STAT1: variants seen among roughly 807,000 people sequenced by gnomAD.
The protein encoded by STAT1 is signal transducer and activator of transcription 1.
A neutral mutation model predicts 111.7 loss-of-function variants in STAT1; 24 were observed. The observed-to-expected ratio is 0.21, with a 90% confidence interval of 0.16 to 0.30. The LOEUF (loss-of-function observed/expected upper bound fraction) is 0.30, where lower values mean the gene tolerates loss of function less well. Among genes scored for constraint, STAT1 ranks in the 10% least tolerant of loss-of-function variants. The pLI, the probability that STAT1 is intolerant of heterozygous loss-of-function variation, is 1.00. For missense variants in STAT1, 351 were observed against 911.9 expected (o/e 0.38, Z 7.92); for synonymous variants, 332 against 326.5 (o/e 1.02, Z -0.18).
At chr2:191,013,351 C>T (rs182430484) in intron 2 of STAT1, among the ~76,000 whole-genome samples, 174 bp downstream of exon 2, 3 of 151,694 alleles carry the variant, frequency 2.0e-5, no homozygotes, top group African/African-American at 7.2e-5. Context: ...CTCTTCAGTA[C>T]CGGCCAGAAA....
At position 190,977,162 on chromosome 2, in the gene STAT1, A is replaced by G. The variant is rs1691970026; in HGVS notation, c.1874-137T>C. The G allele has an allele frequency of 2.6e-6, 2 of 772,960 alleles. No individual in the cohort carries two copies. The highest frequency in any genetic ancestry group is 4.4e-6 in the Non-Finnish European group (2 of 452,430). 47.9% of individuals were successfully genotyped at this position (772,960 alleles called of 1,614,324 possible). The stretch of plus-strand genomic sequence containing the variant: ...TCACAATCTAAGCATTATAACATAT[A>G]CAGTAGACTGCTTTATTTCTAAATA... On this transcript the variant is annotated intron_variant, in intron 21 of 24. Transcript: ENST00000361099. This position sits in a 1 kb window ranked among gnomAD's most constrained non-coding sequence, Gnocchi z 4.7.
rs1004057298 is a variant in STAT1 at position 190,976,757 on chromosome 2, C to T, written c.2059+83G>A. 9.0e-5 allele frequency: 113 copies of T among 1,252,842 alleles called. No individual in the cohort carries two copies. The highest frequency in any genetic ancestry group is 1.3e-4 in the Non-Finnish European group (110 of 854,150). 77.6% of individuals were successfully genotyped at this position (1,252,842 alleles called of 1,614,324 possible). Reference sequence around the variant, plus strand: ...CTCTTACCAATTCGAAAGCAAAACACTGCATGGGTGGAGTTTCAGAATAAT... The same window carrying T: ...CTCTTACCAATTCGAAAGCAAAACATTGCATGGGTGGAGTTTCAGAATAAT... On this transcript the variant is annotated intron_variant, in intron 22 of 24. Coordinates refer to ENST00000361099, the MANE Select transcript of STAT1 (RefSeq NM_007315.4). The surrounding 1 kb of genome is among the most constrained non-coding windows in gnomAD (Gnocchi z 6.0).
chr2:191,001,217 G>T, intron 5 of STAT1, 54 bp from the exon 6 acceptor site: 2 of 1,408,426 alleles, frequency 1.4e-6, no homozygotes, highest in Non-Finnish European at 2.0e-6. Flanking sequence ...GTGTGTACTT[G>T]CTGGTTACAC....
At chr2:191,001,471 C>T (rs191115031) in intron 5 of STAT1, among the ~76,000 whole-genome samples, 2 of 152,300 alleles carry the variant, frequency 1.3e-5, no homozygotes, top group Admixed American at 1.3e-4. Flanking sequence ...AGATACTATA[C>T]ACAAGATTAC....
Position 190,979,071 on chromosome 2 carries a change from A to C in STAT1, c.1728-70T>G. The C allele has an allele frequency of 6.3e-7, 1 of 1,596,790 alleles. No individual in the cohort carries two copies. Among genetic ancestry groups the C allele is most frequent in the Non-Finnish European group, 8.6e-7 (1 of 1,167,788 alleles). On this transcript the variant is annotated intron_variant, in intron 20 of 24. Transcript: ENST00000361099. This position sits in a 1 kb window ranked among gnomAD's most constrained non-coding sequence, Gnocchi z 5.8. ...GATTTCCATTTTCATGCTAACTTAC[A>C]AACCAAGAAAATGGCTGGAATGTGA...
chr2:191,001,898 C>T (rs1694297950), intron 5 of STAT1, among the ~76,000 whole-genome samples: 1 of 152,198 alleles, frequency 6.6e-6, no homozygotes, highest in South Asian at 2.1e-4. Context: ...TCCCTGTTCT[C>T]ATAGAGATTA....
chr2:190,994,982 A>G, intron 10 of STAT1, 79 bp downstream of exon 10: 3 of 1,185,778 alleles, frequency 2.5e-6, no homozygotes, highest in Non-Finnish European at 3.7e-6. Context: ...AAACCCTTGT[A>G]AATCATCTGA....
At chr2:191,009,844 ACTT>A (rs768828639) in intron 3 of STAT1, 29 bp downstream of exon 3, 22 of 1,612,462 alleles carry the variant, frequency 1.4e-5, no homozygotes, top group Middle Eastern at 1.6e-4. Flanking sequence ...TAAGGTGTAA[ACTT>A]CTTCTTCTGT....
Position 190,997,747 on chromosome 2 carries a change from A to T in STAT1, c.785+109T>A. The T allele has an allele frequency of 2.0e-6, 3 of 1,503,594 alleles. No individual in the cohort carries two copies. The highest frequency in any genetic ancestry group is 2.7e-6 in the Non-Finnish European group (3 of 1,092,046). 93.1% of individuals were successfully genotyped at this position (1,503,594 alleles called of 1,614,324 possible). On this transcript the variant is annotated intron_variant, in intron 9 of 24. Transcript: ENST00000361099. The surrounding 1 kb of genome is among the most constrained non-coding windows in gnomAD (Gnocchi z 7.3). ...CAGAAGCTGGACTATGTCAAACTCT[A>T]TACTAATGTTTTGACAGGGTCCATT...
In STAT1 at chr2:191,009,111, G is replaced by C. The variant is rs1312585498; in HGVS notation, c.129-4C>G. ...AACATCATTGGCAGCGTGCTCCCTAGGAGATTTAACATTTACACATTTCAT... is the reference window on the plus strand; with the variant it reads ...AACATCATTGGCAGCGTGCTCCCTACGAGATTTAACATTTACACATTTCAT... On this transcript the variant is annotated splice_region_variant and splice_polypyrimidine_tract_variant and intron_variant, in intron 3 of 24. Coordinates refer to ENST00000361099, the MANE Select transcript of STAT1 (RefSeq NM_007315.4). 6.2e-7 allele frequency: 1 copy of C among 1,613,850 alleles called. No individual in the cohort carries two copies. The highest frequency in any genetic ancestry group is 1.1e-5 in the South Asian group (1 of 91,082).
At chr2:190,994,205 CT>C (rs1042935224) in intron 10 of STAT1, among the ~76,000 whole-genome samples, 1 of 152,188 alleles carries the variant, frequency 6.6e-6, no homozygotes, top group African/African-American at 2.4e-5. Flanking sequence ...GGCATGGCCC[CT>C]ATAGGAATCA....
Position 190,997,066 on chromosome 2 carries a change from T to A in STAT1, c.785+790A>T, listed in dbSNP as rs1693912185. Among the ~76,000 whole-genome samples the A allele has an allele frequency of 6.6e-6, 1 of 152,138 alleles. No individual in the cohort carries two copies. Among genetic ancestry groups the A allele is most frequent in the South Asian group, 2.1e-4 (1 of 4,824 alleles). On this transcript the variant is annotated intron_variant, in intron 9 of 24. Transcript: ENST00000361099. The surrounding 1 kb of genome is among the most constrained non-coding windows in gnomAD (Gnocchi z 7.3). ...ACCTGCACCATCAGGCTCCAGCATC[T>A]CCCACCGGGTCCACTTTCCTTCCCA...
At position 190,970,499 on chromosome 2, in the gene STAT1, T is replaced by G; in HGVS notation, c.*204A>C. Reference sequence around the variant, plus strand: ...TCAGAGAATGCCTTTCAATTTTACCTTCAGTAAGATGCATGATGCCCTTCA... The same window carrying G: ...TCAGAGAATGCCTTTCAATTTTACCGTCAGTAAGATGCATGATGCCCTTCA... On this transcript the variant is annotated 3_prime_UTR_variant, in exon 25 of 25. Transcript: ENST00000361099. This position sits in a 1 kb window ranked among gnomAD's most constrained non-coding sequence, Gnocchi z 5.4. 1 of 644,972 alleles carries G rather than the reference T, an allele frequency of 1.6e-6. No homozygotes were observed. Among genetic ancestry groups the G allele is most frequent in the South Asian group, 1.7e-5 (1 of 57,484 alleles). The allele number at this position is 644,972 out of a possible 1,614,324, so 40.0% of individuals were successfully genotyped here. A position where few individuals can be genotyped will look rare whatever the true frequency, so the allele number is the denominator to read the frequency against.
In STAT1 at chr2:190,991,167, G is replaced by A. The variant is rs1693301756; in HGVS notation, c.1037+61C>T. The A allele has an allele frequency of 2.6e-6, 4 of 1,537,390 alleles. No homozygotes were observed. The Admixed American group carries it at 6.7e-5, about 26-fold the overall frequency. ...CCCTATATAACAGTTTTTATAAAAG[G>A]AAACTAGGGGTACAAACTACGTGAC... On this transcript the variant is annotated intron_variant, in intron 11 of 24. Transcript: ENST00000361099.
chr2:190,987,819 T>C lies in STAT1; in HGVS notation c.1098-751A>G, dbSNP rs1160348912. 1.3e-5 allele frequency among the ~76,000 whole-genome samples: 2 copies of C among 152,198 alleles called. No individual in the cohort carries two copies. Among genetic ancestry groups the C allele is most frequent in the African/African-American group, 4.8e-5 (2 of 41,452 alleles). ...AATCTCAACCAGAAGTTCAATGCTT[T>C]TGTGAATGACAATCACCATTAGCTA... On this transcript the variant is annotated intron_variant, in intron 12 of 24. Transcript: ENST00000361099. The surrounding 1 kb of genome is among the most constrained non-coding windows in gnomAD (Gnocchi z 4.0).
At chr2:191,010,030 T>C in intron 2 of STAT1, 26 bp from the exon 3 acceptor site, 2 of 1,612,918 alleles carry the variant, frequency 1.2e-6, no homozygotes, top group South Asian at 1.1e-5. Flanking sequence ...ATATACATTC[T>C]TTCTATGTAT....
intron 2 of STAT1, among the ~76,000 whole-genome samples, chr2:191,011,364 C>T (rs747090308): frequency 2.0e-5 from 3 of 152,166 alleles, no homozygotes; most frequent in African/African-American, 4.8e-5. Context: ...GGAGCTGCAA[C>T]GCCTCTTATT....
At position 190,997,741 on chromosome 2, in the gene STAT1, A is replaced by AACTCTAT; in HGVS notation, c.785+108_785+114dup. The AACTCTAT allele has an allele frequency of 6.7e-7, 1 of 1,498,550 alleles. No individual in the cohort carries two copies. The highest frequency in any genetic ancestry group is 9.2e-7 in the Non-Finnish European group (1 of 1,090,170). 92.8% of individuals were successfully genotyped at this position (1,498,550 alleles called of 1,614,324 possible). The stretch of plus-strand genomic sequence containing the variant: ...GGTAAGCAGAAGCTGGACTATGTCA[A>AACTCTAT]ACTCTATACTAATGTTTTGACAGGG... On this transcript the variant is annotated intron_variant, in intron 9 of 24. Transcript: ENST00000361099. This position sits in a 1 kb window ranked among gnomAD's most constrained non-coding sequence, Gnocchi z 7.3.
Position 190,970,311 on chromosome 2 carries a change from C to G in STAT1, c.*392G>C. The G allele has an allele frequency of 3.6e-6, 1 of 275,792 alleles. No homozygotes were observed. The highest frequency in any genetic ancestry group is 7.1e-6 in the Non-Finnish European group (1 of 140,528). The allele number at this position is 275,792 out of a possible 1,614,324, so 17.1% of individuals were successfully genotyped here. On this transcript the variant is annotated 3_prime_UTR_variant, in exon 25 of 25. Transcript: ENST00000361099. This position sits in a 1 kb window ranked among gnomAD's most constrained non-coding sequence, Gnocchi z 5.4. Reference sequence around the variant, plus strand: ...TACCGTTCCTACGTCAAGCAGTTCCCTAAATAACCACTGATTTATCCAACA... The same window carrying G: ...TACCGTTCCTACGTCAAGCAGTTCCGTAAATAACCACTGATTTATCCAACA...
Sources: allele counts gnomAD v4.1 joint callset (sites outside exome capture counted in the v4.1 genomes callset), GRCh38; gene constraint gnomAD v4.1.1; non-coding constraint Gnocchi (gnomAD v3.1); transcripts MANE v1.5; gene names NCBI Gene and HGNC (gene_info 2026-07-23, HGNC 2026-07-21).